PTPRK: variants seen among roughly 807,000 people sequenced by gnomAD.
PTPRK encodes protein tyrosine phosphatase receptor type K, also known as receptor-type tyrosine-protein phosphatase kappa.
PTPRK carries 75 observed loss-of-function variants against 178.0 expected under a neutral mutation model. That is an observed-to-expected ratio of 0.42 (90% CI 0.35 to 0.51). PTPRK has a LOEUF of 0.51. Ranked by LOEUF, PTPRK falls within the 20% of genes least tolerant of loss-of-function variation. The pLI is 0.02. For synonymous variants in PTPRK, 637 were observed against 620.6 expected (o/e 1.03, Z -0.39); for missense variants, 1,441 against 1,797.8 (o/e 0.80, Z 3.59).
At position 127,969,609 on chromosome 6, in the gene PTPRK, A is replaced by G. The variant is rs1773693556; in HGVS notation, c.*618T>C. ...CAAAAAAGGAATGTAAGTAACCAATAAATATAATGTGCTTTCTCCATATAG... is the reference window on the plus strand; with the variant it reads ...CAAAAAAGGAATGTAAGTAACCAATGAATATAATGTGCTTTCTCCATATAG... On this transcript the variant is annotated 3_prime_UTR_variant, in exon 30 of 30. Transcript: ENST00000368226. 6.6e-6 allele frequency: 1 copy of G among 152,172 alleles called. No homozygotes were observed. Among genetic ancestry groups the G allele is most frequent in the African/African-American group, 2.4e-5 (1 of 41,456 alleles). 9.4% of individuals were successfully genotyped at this position (152,172 alleles called of 1,614,324 possible).
At chr6:128,321,910 A>G (rs1295404027) in intron 3 of PTPRK, 129 bp downstream of exon 3, 8 of 1,208,564 alleles carry the variant, frequency 6.6e-6, no homozygotes, top group South Asian at 2.5e-5. Context: ...CACTTCCCCA[A>G]TAATGGGGGT....
At chr6:128,142,809 T>C (rs1795964907) in intron 7 of PTPRK, among the ~76,000 whole-genome samples, 1 of 152,018 alleles carries the variant, frequency 6.6e-6, no homozygotes, top group Non-Finnish European at 1.5e-5. Context: ...CCTGGTGTCA[T>C]GCATATAAAA....
At chr6:128,460,457 A>G (rs1181821734) in intron 1 of PTPRK, among the ~76,000 whole-genome samples, 1 of 152,112 alleles carries the variant, frequency 6.6e-6, no homozygotes, top group Non-Finnish European at 1.5e-5. Flanking sequence ...TGGGAGGATC[A>G]CTTGAGCCCA....
intron 7 of PTPRK, among the ~76,000 whole-genome samples, chr6:128,158,379 T>C (rs1192310593): frequency 1.3e-5 from 2 of 151,932 alleles, no homozygotes; most frequent in East Asian, 1.9e-4. Context: ...CTGCGCGTTG[T>C]GCACATGTAC....
chr6:128,411,090 GC>G (rs1842262295), intron 1 of PTPRK, among the ~76,000 whole-genome samples: 2 of 152,010 alleles, frequency 1.3e-5, no homozygotes, highest in Non-Finnish European at 2.9e-5. Context: ...ACAGGGTGCT[GC>G]CATGCTGCCC....
At chr6:128,408,177 CAGGAG>C (rs1357845195) in intron 1 of PTPRK, among the ~76,000 whole-genome samples, 11 of 152,290 alleles carry the variant, frequency 7.2e-5, no homozygotes, top group Admixed American at 6.5e-4. Context: ...CACCTGAGGT[CAGGAG>C]TTCGAGACCA....
intron 2 of PTPRK, chr6:128,340,793 G>C (rs777328316): frequency 5.0e-5 from 24 of 482,958 alleles, no homozygotes; most frequent in Middle Eastern, 3.3e-4. Flanking sequence ...TTTTAGGTTT[G>C]ATTCTTTTGG....
At chr6:128,395,211 TA>T (rs1230230632) in intron 2 of PTPRK, among the ~76,000 whole-genome samples, 1 of 152,138 alleles carries the variant, frequency 6.6e-6, no homozygotes, top group Admixed American at 6.5e-5. Flanking sequence ...AAGAGATGAC[TA>T]AAAGAATAAC....
chr6:128,248,396 C>T (rs971203674), intron 3 of PTPRK, among the ~76,000 whole-genome samples: 1 of 152,184 alleles, frequency 6.6e-6, no homozygotes, highest in East Asian at 1.9e-4. Flanking sequence ...CAATCTTTCA[C>T]TCTCTTTGCC....
chr6:127,975,824 C>T lies in PTPRK; in HGVS notation c.3969+833G>A, dbSNP rs572797627. Among the ~76,000 whole-genome samples the T allele has an allele frequency of 7.2e-5, 11 of 152,184 alleles. No homozygotes were observed. The East Asian group carries it at 1.9e-3, about 27-fold the overall frequency. On this transcript the variant is annotated intron_variant, in intron 27 of 29. Transcript: ENST00000368226. Reference sequence around the variant, plus strand: ...CTAGCTGGGACTACAGGCATGCCACCACCATGTCCAGCTAATTTTTGTATT... The same window carrying T: ...CTAGCTGGGACTACAGGCATGCCACTACCATGTCCAGCTAATTTTTGTATT...
intron 2 of PTPRK, among the ~76,000 whole-genome samples, chr6:128,396,690 T>C (rs1248039410): frequency 2.0e-5 from 3 of 152,098 alleles, no homozygotes; most frequent in African/African-American, 7.2e-5. Flanking sequence ...TCAAAGGATA[T>C]AACAAAGTAA....
rs79848039 is a variant in PTPRK, at chr6:128,212,495, T to C, written c.868+6427A>G. On this transcript the variant is annotated intron_variant, in intron 6 of 29. Coordinates refer to ENST00000368226, the MANE Select transcript of PTPRK (RefSeq NM_002844.4). The stretch of plus-strand genomic sequence containing the variant: ...CATGTAGTAGATAGGAGTCCCTTGG[T>C]AGACGGAAATGGGTCCAAATTACAT... Among the ~76,000 whole-genome samples, 46 of 152,138 alleles carry C rather than the reference T, an allele frequency of 3.0e-4. 1 individual carries two copies. In the East Asian group the frequency reaches 8.3e-3, roughly 27 times the overall value.
intron 15 of PTPRK, chr6:127,999,807 C>A (rs1411830872): frequency 7.3e-6 from 2 of 275,108 alleles, no homozygotes; most frequent in Admixed American, 6.5e-5. Flanking sequence ...ATTCCTAGTG[C>A]CTGATGCATA....
chr6:128,021,588 G>A lies in PTPRK; in HGVS notation c.2195-12320C>T, dbSNP rs917193088. On this transcript the variant is annotated intron_variant, in intron 13 of 29. Transcript: ENST00000368226. ...CCGGGAGGCGGAGCTTGCAGTGAGC[G>A]GAGATTGTGCCACTGCACTCCAGCC... 2.6e-5 allele frequency among the ~76,000 whole-genome samples: 4 copies of A among 152,238 alleles called. 1 individual carries two copies. The highest frequency in any genetic ancestry group is 4.4e-5 in the Non-Finnish European group (3 of 68,002).
intron 2 of PTPRK, among the ~76,000 whole-genome samples, chr6:128,336,328 C>T (rs1437152286): frequency 1.3e-5 from 2 of 152,012 alleles, no homozygotes; most frequent in African/African-American, 4.8e-5. Flanking sequence ...TTTTAGTTCC[C>T]ACACTAATTT....
chr6:128,053,392 T>A (rs1473122828), intron 13 of PTPRK, among the ~76,000 whole-genome samples: 1 of 152,132 alleles, frequency 6.6e-6, no homozygotes, highest in Non-Finnish European at 1.5e-5. Context: ...ACATGCTGTA[T>A]GGGCCACCCT....
intron 7 of PTPRK, among the ~76,000 whole-genome samples, chr6:128,099,193 TA>T (rs1008880295): frequency 8.1e-5 from 12 of 148,496 alleles, no homozygotes; most frequent in African/African-American, 2.0e-4. Flanking sequence ...TATATATATA[TA>T]TATTTTTTCT....
In PTPRK at chr6:128,089,784, C is replaced by A. The variant is rs1289897731; in HGVS notation, c.1371G>T (p.Leu457=). The change falls in exon 8 of 30, where the codon CTG becomes CTT. Residue 457 remains leucine, a synonymous_variant. Transcript: ENST00000368226. ...PKAPQHVVNH[L]PPYTNVSLKM... ...TGAGGCTGACATTTGTATAAGGTGG[C>A]AGATGGTTCACAACATGCTGAGGGG... The A allele has an allele frequency of 6.2e-7, 1 of 1,613,672 alleles. No homozygotes were observed. The highest frequency in any genetic ancestry group is 1.3e-5 in the African/African-American group (1 of 75,022).
chr6:128,402,285 T>C lies in PTPRK; in HGVS notation c.101-4597A>G, dbSNP rs142092757. Among the ~76,000 whole-genome samples, 543 of 152,270 alleles carry C rather than the reference T, an allele frequency of 3.6e-3. 9 individuals carry two copies. Among genetic ancestry groups the C allele is most frequent in the Non-Finnish European group, 5.4e-4 (37 of 68,030 alleles). ...TTTTTGTTTTTGTTTAGAGATGGAG[T>C]CTCACTCTGTCGCCCAGGCTAGAGT... On this transcript the variant is annotated intron_variant, in intron 1 of 29. Transcript: ENST00000368226.
Sources: allele counts gnomAD v4.1 joint callset (sites outside exome capture counted in the v4.1 genomes callset), GRCh38; gene constraint gnomAD v4.1.1; transcripts MANE v1.5; gene names NCBI Gene and HGNC (gene_info 2026-07-23, HGNC 2026-07-21).